CFAP53: variants seen among roughly 807,000 people sequenced by gnomAD.
CFAP53 encodes cilia- and flagella-associated protein 53.
Under a neutral mutation model 59.7 loss-of-function variants are expected in CFAP53, and 62 were observed. That is an observed-to-expected ratio of 1.04 (90% CI 0.85 to 1.28). The LOEUF (loss-of-function observed/expected upper bound fraction) is 1.28. Among genes scored for constraint, CFAP53 ranks in the 50% most tolerant of loss-of-function variants. The pLI, the probability that CFAP53 is intolerant of heterozygous loss-of-function variation, is 0.00. For synonymous variants in CFAP53, 218 were observed against 205.7 expected (o/e 1.06, Z -0.51); for missense variants, 629 against 615.6 (o/e 1.02, Z -0.23).
Position 50,266,246 on chromosome 18 carries a change from C to G in CFAP53, c.69+90G>C. 9 of 1,279,998 alleles carry G rather than the reference C, an allele frequency of 7.0e-6. No homozygotes were observed. The South Asian group carries it at 8.4e-5, about 12-fold the overall frequency. 79.3% of individuals were successfully genotyped at this position (1,279,998 alleles called of 1,614,324 possible). On this transcript the variant is annotated intron_variant, in intron 1 of 7. Coordinates refer to ENST00000398545, the MANE Select transcript of CFAP53 (RefSeq NM_145020.5). ...GACACCCGTTCCCCTCGAGAAGGCC[C>G]CGGGTGGGGGCCGAAGTGGGATAGG...
At chr18:50,231,687 C>T (rs146051410) in intron 7 of CFAP53, among the ~76,000 whole-genome samples, 39 of 152,326 alleles carry the variant, frequency 2.6e-4, no homozygotes, top group Middle Eastern at 3.4e-3. Context: ...GCCAAATAGC[C>T]ACCTGGCCTG....
chr18:50,250,173 T>C lies in CFAP53; in HGVS notation c.996+585A>G, dbSNP rs1429668468. Among the ~76,000 whole-genome samples, 5 of 147,426 alleles carry C rather than the reference T, an allele frequency of 3.4e-5. No homozygotes were observed. The East Asian group carries it at 1.0e-3, about 29-fold the overall frequency. On this transcript the variant is annotated intron_variant, in intron 5 of 7. Transcript: ENST00000398545. Reference sequence around the variant, plus strand: ...GGGCGAGGCTACAGTGAGCCATGATTATGCCACTGCACTCCAGCCTGGGTT... The same window carrying C: ...GGGCGAGGCTACAGTGAGCCATGATCATGCCACTGCACTCCAGCCTGGGTT...
At position 50,243,098 on chromosome 18, in the gene CFAP53, G is replaced by C; in HGVS notation, c.1015C>G (p.Gln339Glu). Residue 339 changes from glutamine (Q) to glutamate (E), a missense_variant, in exon 6 of 8, where the codon CAG becomes GAG. Physicochemically the swap from Gln to Glu is conservative, Grantham distance 29. Transcript: ENST00000398545. ...GCCAAATATTTATGGTATATCTTCT[G>C]TTCTCTTATCATATCTTCCTATGTA... ...KQKREDMIRE[Q>E]KIYHKYLAQR... is the part of the protein sequence containing the mutation. 1 of 1,611,478 alleles carries C rather than the reference G, an allele frequency of 6.2e-7. No homozygotes were observed. The highest frequency in any genetic ancestry group is 8.5e-7 in the Non-Finnish European group (1 of 1,178,606).
intron 1 of CFAP53, among the ~76,000 whole-genome samples, chr18:50,263,924 G>C (rs969910793): frequency 6.6e-6 from 1 of 152,166 alleles, no homozygotes; most frequent in Non-Finnish European, 1.5e-5. Flanking sequence ...GATAAGTTAG[G>C]GGTATGACCT....
intron 3 of CFAP53, 71 bp from the exon 4 acceptor site, chr18:50,251,855 G>C: frequency 7.7e-7 from 1 of 1,301,616 alleles, no homozygotes; most frequent in South Asian, 1.4e-5. Flanking sequence ...GCACACATCT[G>C]TACAATCACA....
At position 50,248,103 on chromosome 18, in the gene CFAP53, G is replaced by C. The variant is rs977549073; in HGVS notation, c.996+2655C>G. ...CCACTGTACTCCAGCCTAAGTGACA[G>C]AGTGAGATACTGGCTCAACAAAAAT... On this transcript the variant is annotated intron_variant, in intron 5 of 7. Coordinates refer to ENST00000398545, the MANE Select transcript of CFAP53 (RefSeq NM_145020.5). 2.7e-5 allele frequency among the ~76,000 whole-genome samples: 4 copies of C among 146,188 alleles called. No individual in the cohort carries two copies. In the South Asian group the frequency reaches 8.6e-4, roughly 32 times the overall value.
At chr18:50,254,757 G>C (rs1038026746) in intron 3 of CFAP53, among the ~76,000 whole-genome samples, 4 of 152,082 alleles carry the variant, frequency 2.6e-5, no homozygotes, top group Admixed American at 2.6e-4. Context: ...GGGCTTGGTT[G>C]GTGCATGCCT....
chr18:50,239,331 G>A (rs1482344586), intron 6 of CFAP53, among the ~76,000 whole-genome samples: 1 of 151,700 alleles, frequency 6.6e-6, no homozygotes, highest in Non-Finnish European at 1.5e-5. Flanking sequence ...TCCAGCCTGG[G>A]CAACAGAGTG....
chr18:50,240,422 A>G (rs2144409982), intron 6 of CFAP53, among the ~76,000 whole-genome samples: 1 of 152,316 alleles, frequency 6.6e-6, no homozygotes, highest in South Asian at 2.1e-4. Flanking sequence ...ACTCTCTTTA[A>G]ATTAGCCAAT....
rs1447531348 is a variant in CFAP53 at position 50,262,012 on chromosome 18, T to A, written c.277A>T (p.Asn93Tyr). 2 of 1,610,692 alleles carry A rather than the reference T, an allele frequency of 1.2e-6. No homozygotes were observed. Among genetic ancestry groups the A allele is most frequent in the Non-Finnish European group, 1.7e-6 (2 of 1,176,968 alleles). ...TACTTATTTCGTCTTTCTTCAATGT[T>A]AATGATAAACCCTTGCACAGCATCC... ...IKDAVQGFII[N>Y]IEERRNKLRE... Residue 93 changes from asparagine (N) to tyrosine (Y), a missense_variant, in exon 2 of 8, where the codon AAC (asparagine) becomes TAC (tyrosine). By Grantham distance (143) the Asn-to-Tyr change is moderately radical. Coordinates refer to ENST00000398545, the MANE Select transcript of CFAP53 (RefSeq NM_145020.5).
At chr18:50,230,020 A>T (rs1479117148) in intron 7 of CFAP53, among the ~76,000 whole-genome samples, 1 of 152,168 alleles carries the variant, frequency 6.6e-6, no homozygotes, top group Non-Finnish European at 1.5e-5. Flanking sequence ...GGCCTCCCAA[A>T]GTGGTGGGAT....
At chr18:50,253,641 C>A (rs181753198) in intron 3 of CFAP53, among the ~76,000 whole-genome samples, 23 of 152,252 alleles carry the variant, frequency 1.5e-4, no homozygotes, top group Admixed American at 1.0e-3. Context: ...AACATTACTG[C>A]AAATTTATTT....
chr18:50,233,417 C>T (rs2033600812), intron 7 of CFAP53, among the ~76,000 whole-genome samples: 1 of 152,128 alleles, frequency 6.6e-6, no homozygotes, highest in Non-Finnish European at 1.5e-5. Flanking sequence ...AATATTGATG[C>T]TTTTATAAGG....
At chr18:50,265,862 G>A (rs1421324657) in intron 1 of CFAP53, among the ~76,000 whole-genome samples, 1 of 152,158 alleles carries the variant, frequency 6.6e-6, no homozygotes. Context: ...AAGGCGTTGG[G>A]TGCTATAACC....
In CFAP53 at chr18:50,227,428, T is replaced by C. The variant is rs1434255513; in HGVS notation, c.1498A>G (p.Asn500Asp). The change falls in exon 8 of 8, where the codon AAC becomes GAC. Residue 500 changes from asparagine to aspartate, a missense_variant. Asn to Asp is a conservative substitution (Grantham distance 23). Transcript: ENST00000398545. ...VLSTHQVLPQ[N>D]IHPMRKACPS... ...CATGCCTTGCGCATGGGATGAATGT[T>C]TTGAGGCAGCACTTGATGGGTGGAC... The C allele has an allele frequency of 6.2e-7, 1 of 1,614,180 alleles. No individual in the cohort carries two copies. Among genetic ancestry groups the C allele is most frequent in the East Asian group, 2.2e-5 (1 of 44,882 alleles).
chr18:50,243,348 G>C (rs77791472), intron 5 of CFAP53, among the ~76,000 whole-genome samples: 1 of 152,184 alleles, frequency 6.6e-6, no homozygotes, highest in Admixed American at 6.5e-5. Context: ...GTTAAAGTGA[G>C]GTGATGGACA....
chr18:50,232,695 C>T (rs181328595), intron 7 of CFAP53, among the ~76,000 whole-genome samples: 2 of 152,224 alleles, frequency 1.3e-5, no homozygotes, highest in Non-Finnish European at 2.9e-5. Flanking sequence ...AAACAGCTCA[C>T]CTTAACTGAT....
intron 5 of CFAP53, among the ~76,000 whole-genome samples, chr18:50,245,095 T>A (rs1410585417): frequency 1.5e-5 from 2 of 135,236 alleles, no homozygotes; most frequent in African/African-American, 5.6e-5. Context: ...CTATTAAAAC[T>A]AATAAGGCTG....
At chr18:50,251,421 T>C in intron 4 of CFAP53, 60 bp downstream of exon 4, 1 of 1,461,272 alleles carries the variant, frequency 6.8e-7, no homozygotes, top group Non-Finnish European at 9.3e-7. Context: ...GTAACAGGCC[T>C]GCAAACTGTA....
Sources: gnomAD v4.1 joint callset for allele counts (sites outside exome capture counted in the v4.1 genomes callset) on GRCh38, gnomAD v4.1.1 for gene constraint, MANE v1.5 for transcripts, NCBI Gene and HGNC (gene_info 2026-07-23, HGNC 2026-07-21) for gene names.